The following TRMT9B variants were observed in gnomAD, a reference collection of about 807,000 sequenced individuals.
TRMT9B encodes the protein tRNA methyltransferase 9B (putative).
A neutral mutation model predicts 11.5 loss-of-function variants in TRMT9B; 16 were observed. The observed-to-expected ratio is 1.39, with a 90% confidence interval of 0.94 to 2.11. The LOEUF is 2.11. Ranked by LOEUF, TRMT9B falls within the 30% of genes most tolerant of loss-of-function variation. The pLI is 0.00. For synonymous variants in TRMT9B, 274 were observed against 192.4 expected (o/e 1.42, Z -3.51); for missense variants, 941 against 553.8 (o/e 1.70, Z -7.02).
rs1806071130 is a variant in TRMT9B, at chr8:12,985,145, C to G, written c.-199-5689C>G. ...AGTGCTCTCAGGGAGTATTTGATCT[C>G]TTTCCGCTAAGATAAACGCCCCTCA... On this transcript the variant is annotated intron_variant, in intron 1 of 4. Coordinates refer to ENST00000524591, the MANE Select transcript of TRMT9B (RefSeq NM_020844.3). Among the ~76,000 whole-genome samples the G allele has an allele frequency of 2.0e-5, 3 of 152,176 alleles. No homozygotes were observed. The South Asian group carries it at 6.2e-4, about 32-fold the overall frequency.
chr8:12,956,897 A>G (rs1490689311), intron 1 of TRMT9B, among the ~76,000 whole-genome samples: 1 of 152,210 alleles, frequency 6.6e-6, no homozygotes, highest in African/African-American at 2.4e-5. Context: ...ATTTTTAAGC[A>G]GTAAATTACC....
At chr8:12,988,214 C>T (rs1463237740) in intron 1 of TRMT9B, among the ~76,000 whole-genome samples, 4 of 152,134 alleles carry the variant, frequency 2.6e-5, no homozygotes, top group African/African-American at 9.7e-5. Context: ...AGGGAGCCTT[C>T]ACTCCCCCTT....
intron 4 of TRMT9B, among the ~76,000 whole-genome samples, chr8:13,013,583 GT>G (rs150605945): frequency 0.045 from 6,892 of 152,060 alleles, 189 homozygotes; most frequent in Non-Finnish European, 0.053. Flanking sequence ...CTATGACAAG[GT>G]TTTTTTTGTT....
intron 1 of TRMT9B, among the ~76,000 whole-genome samples, chr8:12,979,164 T>C (rs961562917): frequency 9.2e-5 from 14 of 152,176 alleles, no homozygotes; most frequent in Non-Finnish European, 1.3e-4. Flanking sequence ...AAGTAAGCGT[T>C]GTCCTTTTCA....
intron 1 of TRMT9B, chr8:12,951,313 T>A (rs1341506130): frequency 6.6e-6 from 1 of 152,422 alleles, no homozygotes; most frequent in Non-Finnish European, 1.5e-5. Flanking sequence ...GCATTTCCGC[T>A]GAAGTCCGGG....
At chr8:13,018,974 T>A (rs746433729) in intron 4 of TRMT9B, among the ~76,000 whole-genome samples, 1 of 151,624 alleles carries the variant, frequency 6.6e-6, no homozygotes, top group Non-Finnish European at 1.5e-5. Context: ...AGTATTAGAG[T>A]TGAAATAAGA....
At chr8:13,017,871 A>C (rs1289004152) in intron 4 of TRMT9B, among the ~76,000 whole-genome samples, 1 of 151,438 alleles carries the variant, frequency 6.6e-6, no homozygotes, top group Non-Finnish European at 1.5e-5. Flanking sequence ...TGATCCGCCC[A>C]CCTCAGCCCC....
chr8:12,992,058 C>T (rs956194484), intron 2 of TRMT9B, among the ~76,000 whole-genome samples: 1 of 152,164 alleles, frequency 6.6e-6, no homozygotes, highest in African/African-American at 2.4e-5. Context: ...GGATTTATAA[C>T]CAAAGAGTCA....
intron 1 of TRMT9B, among the ~76,000 whole-genome samples, chr8:12,986,901 G>T (rs1299623859): frequency 3.3e-5 from 5 of 151,872 alleles, no homozygotes; most frequent in African/African-American, 1.2e-4. Flanking sequence ...CCTTCATTGT[G>T]GACCCATCCA....
chr8:12,963,646 G>T (rs376487082), intron 1 of TRMT9B, among the ~76,000 whole-genome samples: 1 of 152,018 alleles, frequency 6.6e-6, no homozygotes, highest in African/African-American at 2.4e-5. Context: ...TACTCGGGAG[G>T]CTTGAGCAGA....
intron 1 of TRMT9B, among the ~76,000 whole-genome samples, chr8:12,963,871 G>C (rs1366666481): frequency 2.0e-5 from 3 of 152,200 alleles, no homozygotes; most frequent in African/African-American, 7.2e-5. Context: ...TGGCATGATA[G>C]ATCTGTGGAC....
intron 1 of TRMT9B, among the ~76,000 whole-genome samples, chr8:12,957,605 G>T (rs959716715): frequency 6.6e-6 from 1 of 152,202 alleles, no homozygotes; most frequent in African/African-American, 2.4e-5. Context: ...TTTTGAGAGT[G>T]AAGAGGGAAT....
chr8:13,009,632 G>T lies in TRMT9B; in HGVS notation c.155-3052G>T, dbSNP rs902419874. ...TGTGATGGGTAATTTCCCTTTTTTG[G>T]TTACACTAATGGTAGTATACTATAA... On this transcript the variant is annotated intron_variant, in intron 3 of 4. Transcript: ENST00000524591. 8.6e-5 allele frequency among the ~76,000 whole-genome samples: 13 copies of T among 151,980 alleles called. No homozygotes were observed. In the South Asian group the frequency reaches 2.3e-3, roughly 27 times the overall value.
chr8:13,011,571 A>T, intron 3 of TRMT9B: 1 of 938,410 alleles, frequency 1.1e-6, no homozygotes, highest in Non-Finnish European at 1.3e-6. Flanking sequence ...GATAGAATAT[A>T]ATACTAAGTA....
chr8:13,022,249 G>C lies in TRMT9B; in HGVS notation c.*205G>C. On this transcript the variant is annotated 3_prime_UTR_variant, in exon 5 of 5. Transcript: ENST00000524591. Reference sequence around the variant, plus strand: ...TGAAAGCACTTGACAAAGGGTATTTGTGCTTAAATGTTAATATACAAGATC... The same window carrying C: ...TGAAAGCACTTGACAAAGGGTATTTCTGCTTAAATGTTAATATACAAGATC... The C allele has an allele frequency of 2.0e-6, 1 of 492,406 alleles. No individual in the cohort carries two copies. The highest frequency in any genetic ancestry group is 4.1e-5 in the South Asian group (1 of 24,142). 30.5% of individuals were successfully genotyped at this position (492,406 alleles called of 1,614,324 possible). A position where few individuals can be genotyped will look rare whatever the true frequency, so the allele number is the denominator to read the frequency against.
chr8:13,003,081 T>C (rs1809766545), intron 2 of TRMT9B, among the ~76,000 whole-genome samples: 1 of 152,190 alleles, frequency 6.6e-6, no homozygotes, highest in Non-Finnish European at 1.5e-5. Flanking sequence ...GGGGACTCAG[T>C]ATTAAATAAG....
Position 13,025,037 on chromosome 8 carries a change from C to A in TRMT9B, c.*2993C>A, listed in dbSNP as rs745621901. 6.0e-6 allele frequency: 1 copy of A among 166,982 alleles called. No individual in the cohort carries two copies. Among genetic ancestry groups the A allele is most frequent in the Non-Finnish European group, 1.5e-5 (1 of 68,106 alleles). The allele number at this position is 166,982 out of a possible 1,614,324, so 10.3% of individuals were successfully genotyped here. ...TAGACAGTTGATTTGTGAATGCTGT[C>A]GGCCTCAACTTGCTTGATGATAGAT... On this transcript the variant is annotated 3_prime_UTR_variant, in exon 5 of 5. Transcript: ENST00000524591.
chr8:12,985,842 T>C (rs1320811236), intron 1 of TRMT9B, among the ~76,000 whole-genome samples: 1 of 152,056 alleles, frequency 6.6e-6, no homozygotes, highest in Non-Finnish European at 1.5e-5. Flanking sequence ...ATGGGCTATG[T>C]ACTAGATTAA....
chr8:12,998,958 G>A (rs1238620550), intron 2 of TRMT9B, among the ~76,000 whole-genome samples: 1 of 152,142 alleles, frequency 6.6e-6, no homozygotes, highest in South Asian at 2.1e-4. Flanking sequence ...ATATGTTAAT[G>A]TCCACCTCTC....
Sources: gnomAD v4.1 joint callset for allele counts (sites outside exome capture counted in the v4.1 genomes callset) on GRCh38, gnomAD v4.1.1 for gene constraint, MANE v1.5 for transcripts, NCBI Gene and HGNC (gene_info 2026-07-23, HGNC 2026-07-21) for gene names.